ROBO2: variants seen among roughly 807,000 people sequenced by gnomAD.
ROBO2 encodes roundabout homolog 2.
A neutral mutation model predicts 160.8 loss-of-function variants in ROBO2; 53 were observed. That is an observed-to-expected ratio of 0.33 (90% CI 0.26 to 0.41). ROBO2 has a LOEUF of 0.41. Among genes scored for constraint, ROBO2 ranks in the 10% least tolerant of loss-of-function variants. The probability of loss-of-function intolerance (pLI) is 1.00; values close to 1 mark genes in which losing one functional copy is unlikely to be tolerated. For synonymous variants in ROBO2, 664 were observed against 611.7 expected (o/e 1.09, Z -1.26); for missense variants, 1,577 against 1,722.4 (o/e 0.92, Z 1.49).
At chr3:75,987,444 C>T (rs1007306324) in intron 2 of ROBO2, among the ~76,000 whole-genome samples, 11 of 151,178 alleles carry the variant, frequency 7.3e-5, no homozygotes, top group African/African-American at 2.4e-4. Context: ...TGTGTGTGTG[C>T]GTGTGTGTGT....
rs78067144 is a variant in ROBO2 at position 77,288,125 on chromosome 3, C to A, written c.389-189289C>A. 4.9e-3 allele frequency among the ~76,000 whole-genome samples: 753 copies of A among 152,162 alleles called. 5 individuals carry two copies. The highest frequency in any genetic ancestry group is 0.017 in the African/African-American group (722 of 41,504). On this transcript the variant is annotated intron_variant, in intron 2 of 25. Coordinates refer to ENST00000461745, the Ensembl canonical transcript of ROBO2. Reference sequence around the variant, plus strand: ...TGTAATGATGAATTTTGTTCTTTCTCTTTTTCCACTGAGATCAAATACAGA... The same window carrying A: ...TGTAATGATGAATTTTGTTCTTTCTATTTTTCCACTGAGATCAAATACAGA...
intron 2 of ROBO2, among the ~76,000 whole-genome samples, chr3:77,272,479 C>T (rs2059562739): frequency 6.6e-6 from 1 of 152,116 alleles, no homozygotes; most frequent in Non-Finnish European, 1.5e-5. Context: ...ATCACAAGAA[C>T]AGCAAGGGGG....
intron 23 of ROBO2, chr3:77,634,216 A>C (rs1292771076): frequency 6.5e-6 from 1 of 152,896 alleles, no homozygotes; most frequent in Non-Finnish European, 1.5e-5. Flanking sequence ...CAGATACAAT[A>C]ATATTAATCA....
intron 2 of ROBO2, among the ~76,000 whole-genome samples, chr3:76,848,589 A>G (rs2069005664): frequency 6.6e-6 from 1 of 152,206 alleles, no homozygotes; most frequent in Non-Finnish European, 1.5e-5. Flanking sequence ...ATTAACATAA[A>G]GTACTGCTTA....
intron 19 of ROBO2, among the ~76,000 whole-genome samples, chr3:77,601,674 T>A (rs1012290677): frequency 2.6e-5 from 4 of 152,148 alleles, no homozygotes; most frequent in African/African-American, 9.7e-5. Context: ...AGAAAAAAAA[T>A]GCACTCTCCT....
At chr3:76,852,515 C>G (rs898646431) in intron 2 of ROBO2, among the ~76,000 whole-genome samples, 15 of 152,064 alleles carry the variant, frequency 9.9e-5, no homozygotes, top group African/African-American at 3.4e-4. Context: ...GATGTCATCT[C>G]AAGGGTAATG....
intron 2 of ROBO2, among the ~76,000 whole-genome samples, chr3:76,210,307 A>G (rs1703063577): frequency 6.6e-6 from 1 of 152,052 alleles, no homozygotes; most frequent in Non-Finnish European, 1.5e-5. Context: ...AGCTATCTCA[A>G]CTTCTAAACT....
chr3:76,056,692 A>C (rs2067860013), intron 2 of ROBO2, among the ~76,000 whole-genome samples: 1 of 152,204 alleles, frequency 6.6e-6, no homozygotes, highest in African/African-American at 2.4e-5. Context: ...AACATTTATG[A>C]TGGGAGGGTT....
rs569080825 is a variant in ROBO2, at chr3:77,412,024, G to A, written c.389-65390G>A. ...AAAAACAACCCAAATTCATATTAAT[G>A]TGTAGGTGACTCATAGCCTCAGACC... On this transcript the variant is annotated intron_variant, in intron 2 of 25. Coordinates refer to ENST00000461745, the Ensembl canonical transcript of ROBO2. 5.9e-5 allele frequency among the ~76,000 whole-genome samples: 9 copies of A among 152,242 alleles called. No homozygotes were observed. In the South Asian group the frequency reaches 1.2e-3, roughly 21 times the overall value.
intron 2 of ROBO2, among the ~76,000 whole-genome samples, chr3:76,741,035 C>T (rs2093793868): frequency 6.6e-6 from 1 of 152,024 alleles, no homozygotes; most frequent in Non-Finnish European, 1.5e-5. Flanking sequence ...TTTATAAAAG[C>T]TCTGATGTTT....
intron 2 of ROBO2, among the ~76,000 whole-genome samples, chr3:76,798,259 G>GAAAGAAA (rs2063889320): frequency 4.2e-5 from 4 of 94,196 alleles, no homozygotes; most frequent in African/African-American, 8.2e-5. Context: ...AAAGAAAGAA[G>GAAAGAAA]GAAAGAAAGA....
chr3:76,973,083 T>C (rs2059648013), intron 2 of ROBO2, among the ~76,000 whole-genome samples: 1 of 152,204 alleles, frequency 6.6e-6, no homozygotes, highest in Non-Finnish European at 1.5e-5. Flanking sequence ...CCTCGGCCTG[T>C]GGACCCAAGG....
At chr3:76,859,094 G>A (rs1277501729) in intron 2 of ROBO2, among the ~76,000 whole-genome samples, 1 of 152,112 alleles carries the variant, frequency 6.6e-6, no homozygotes, top group Non-Finnish European at 1.5e-5. Context: ...TTTTGAATAT[G>A]GGCATCACTT....
rs869307615 is a variant in ROBO2, at chr3:76,073,267, CTTTTTTTTTTTT to C, written c.109+135698_109+135709del. 5.1e-4 allele frequency among the ~76,000 whole-genome samples: 29 copies of C among 57,376 alleles called. 3 individuals carry two copies. Among genetic ancestry groups the C allele is most frequent in the South Asian group, 1.8e-3 (3 of 1,638 alleles). The allele number at this position is 57,376 out of a possible 152,430, so 37.6% of individuals were successfully genotyped here. On this transcript the variant is annotated intron_variant, in intron 2 of 26. Coordinates refer to the ROBO2 transcript ENST00000487694. ...TTGTAAACTTCTCAGAATGAGTATT[CTTTTTTTTTTTT>C]TTTTTTTTTTTTTTTTTTTTTTTTT...
At chr3:76,494,824 T>C (rs1335678139) in intron 2 of ROBO2, among the ~76,000 whole-genome samples, 1 of 152,150 alleles carries the variant, frequency 6.6e-6, no homozygotes, top group Non-Finnish European at 1.5e-5. Flanking sequence ...ATTTCCTTTA[T>C]AAGAAATATT....
intron 2 of ROBO2, among the ~76,000 whole-genome samples, chr3:76,858,716 G>A (rs958465645): frequency 5.3e-5 from 8 of 152,162 alleles, no homozygotes; most frequent in Admixed American, 1.3e-4. Flanking sequence ...GTGGTGTTTT[G>A]AATGTGAAAA....
chr3:76,498,023 T>A (rs936123649), intron 2 of ROBO2, among the ~76,000 whole-genome samples: 1 of 152,214 alleles, frequency 6.6e-6, no homozygotes, highest in Admixed American at 6.5e-5. Flanking sequence ...TAAACCTCTT[T>A]GTTTACTCAT....
At chr3:75,911,366 G>T (rs1005184754) in intron 1 of ROBO2, among the ~76,000 whole-genome samples, 8 of 152,042 alleles carry the variant, frequency 5.3e-5, no homozygotes, top group African/African-American at 1.9e-4. Context: ...TACCTCAGTT[G>T]CTTCTTGTGT....
At chr3:76,512,017 G>T (rs974674455) in intron 2 of ROBO2, among the ~76,000 whole-genome samples, 2 of 152,010 alleles carry the variant, frequency 1.3e-5, no homozygotes, top group Non-Finnish European at 2.9e-5. Flanking sequence ...AAAAATGTGT[G>T]GTGGGCTTAC....
Sources: allele counts gnomAD v4.1 joint callset (sites outside exome capture counted in the v4.1 genomes callset), GRCh38; gene constraint gnomAD v4.1.1; transcripts MANE v1.5; gene names NCBI Gene and HGNC (gene_info 2026-07-23, HGNC 2026-07-21).